SVIL: variants seen among roughly 807,000 people sequenced by gnomAD.
The protein encoded by SVIL is supervillin, also known as archvillin.
Under a neutral mutation model 240.4 loss-of-function variants are expected in SVIL, and 101 were observed. The ratio of observed to expected loss-of-function variants is 0.42; its 90% CI spans 0.36 to 0.50. The LOEUF (loss-of-function observed/expected upper bound fraction) is 0.50, where lower values mean the gene tolerates loss of function less well. Ranked by LOEUF, SVIL falls within the 20% of genes least tolerant of loss-of-function variation. SVIL has a pLI of 0.01. For missense variants in SVIL, 2,512 were observed against 2,818.7 expected, an observed-to-expected ratio of 0.89 and a Z score of 2.46; for synonymous variants, 999 against 1,100.0, an observed-to-expected ratio of 0.91 and a Z score of 1.82.
At chr10:29,468,621 GGT>G (rs1491227762) in intron 32 of SVIL, among the ~76,000 whole-genome samples, 3 of 150,044 alleles carry the variant, frequency 2.0e-5, no homozygotes, top group Non-Finnish European at 4.4e-5. Context: ...ACTAATAGTA[GGT>G]GTATATATAT....
chr10:29,525,057 AC>A (rs1950809784), intron 13 of SVIL, among the ~76,000 whole-genome samples: 1 of 152,328 alleles, frequency 6.6e-6, no homozygotes, highest in South Asian at 2.1e-4. Context: ...AAAGGGAGTC[AC>A]AAAGTATTAC....
At chr10:29,675,597 C>G (rs1212693039) in intron 2 of SVIL, among the ~76,000 whole-genome samples, 5 of 152,178 alleles carry the variant, frequency 3.3e-5, no homozygotes, top group Admixed American at 2.6e-4. Context: ...GCTCTTCCAC[C>G]AGTCCCACTG....
At chr10:29,460,657 C>A in intron 36 of SVIL, among the ~76,000 whole-genome samples, 1 of 152,118 alleles carries the variant, frequency 6.6e-6, no homozygotes, top group East Asian at 1.9e-4. Flanking sequence ...GCTTGTAATC[C>A]CAGCACTTTG....
upstream of SVIL, among the ~76,000 whole-genome samples, chr10:29,637,658 G>T (rs906922348): frequency 2.6e-5 from 4 of 152,188 alleles, no homozygotes; most frequent in African/African-American, 9.7e-5. Context: ...ATGCCAAACT[G>T]ATTTCTGTGC....
Position 29,502,686 on chromosome 10 carries a change from T to G in SVIL, c.3517-3423A>C, listed in dbSNP as rs531015639. On this transcript the variant is annotated intron_variant, in intron 17 of 37. Transcript: ENST00000355867. ...GTGTATGCACATGTGTGTGTGTGTG[T>G]GGGTGGGTGGGTGTGTGTGTGTAGA... Among the ~76,000 whole-genome samples, 8 of 151,560 alleles carry G rather than the reference T, an allele frequency of 5.3e-5. No homozygotes were observed. In the South Asian group the frequency reaches 6.2e-4, roughly 12 times the overall value.
intron 1 of SVIL, among the ~76,000 whole-genome samples, chr10:29,733,218 G>A (rs1034129544): frequency 1.3e-5 from 2 of 152,332 alleles, no homozygotes; most frequent in African/African-American, 4.8e-5. Flanking sequence ...GTTAACATTT[G>A]TTGAATAGCA....
intron 34 of SVIL, 120 bp from the exon 35 acceptor site, chr10:29,463,755 C>T (rs960472703): frequency 2.1e-6 from 3 of 1,409,108 alleles, no homozygotes; most frequent in Middle Eastern, 2.1e-4. Context: ...GGGGGAAACC[C>T]CCTTGGCCAT....
Position 29,486,177 on chromosome 10 carries a change from T to C in SVIL, c.4687A>G (p.Asn1563Asp). ...TCATCCATGAGACGGTAAATGCAGT[T>C]AGTTTCTATTATGGCTGCTTCATAG... is the stretch of plus-strand genomic sequence containing the variant. ...ELYEAAIIETNCIYRLMDDKL... is the reference protein window; with the variant it reads ...ELYEAAIIETDCIYRLMDDKL... The change falls in exon 26 of 38, where the codon AAC (asparagine) becomes GAC (aspartate). Residue 1563 changes from asparagine to aspartate, a missense_variant. By Grantham distance (23) the Asn-to-Asp change is conservative. Around this residue, in one of 3 missense-constraint regions of SVIL, gnomAD observed 797 missense variants for 925.3 expected, o/e 0.86. Transcript: ENST00000355867. 6.2e-7 allele frequency: 1 copy of C among 1,614,216 alleles called. No individual in the cohort carries two copies. The highest frequency in any genetic ancestry group is 1.1e-5 in the South Asian group (1 of 91,088).
At chr10:29,607,605 T>C (rs1351720815) in intron 1 of SVIL, among the ~76,000 whole-genome samples, 1 of 152,226 alleles carries the variant, frequency 6.6e-6, no homozygotes, top group African/African-American at 2.4e-5. Flanking sequence ...TGAATTGCAT[T>C]GTTACTGTAG....
chr10:29,623,544 T>C (rs1389472470), intron 1 of SVIL, among the ~76,000 whole-genome samples: 1 of 152,216 alleles, frequency 6.6e-6, no homozygotes, highest in Non-Finnish European at 1.5e-5. Flanking sequence ...AGCTCTTCAT[T>C]TCTATAGAAA....
intron 21 of SVIL, among the ~76,000 whole-genome samples, chr10:29,492,432 CTG>C (rs962204564): frequency 1.3e-5 from 2 of 152,090 alleles, no homozygotes; most frequent in Non-Finnish European, 2.9e-5. Context: ...CCAAGACAGA[CTG>C]TGTTCTGAGG....
intron 31 of SVIL, 22 bp from the exon 32 acceptor site, chr10:29,470,505 C>A (rs2274493): frequency 4.3e-6 from 7 of 1,613,208 alleles, no homozygotes; most frequent in Non-Finnish European, 5.9e-6. Flanking sequence ...ACCGGCGGCG[C>A]GGAGGAGTTA....
At chr10:29,702,067 C>T (rs1165764045) in intron 1 of SVIL, among the ~76,000 whole-genome samples, 1 of 145,420 alleles carries the variant, frequency 6.9e-6, no homozygotes, top group Admixed American at 7.1e-5. Context: ...CCCAGGTACT[C>T]GGGAGGCTGA....
At chr10:29,495,467 G>A (rs16930314) in intron 18 of SVIL, among the ~76,000 whole-genome samples, 2,296 of 152,204 alleles carry the variant, frequency 0.015, 47 homozygotes, top group African/African-American at 0.053. Flanking sequence ...CGTTAACTTG[G>A]GCAAATGCAG....
intron 27 of SVIL, chr10:29,483,418 T>C (rs1947094793): frequency 6.6e-6 from 1 of 152,168 alleles, no homozygotes; most frequent in Admixed American, 6.5e-5. Flanking sequence ...CCCTAGGAGC[T>C]TTTAAGACAT....
chr10:29,639,876 A>G (rs776520821), upstream of SVIL, among the ~76,000 whole-genome samples: 4 of 152,202 alleles, frequency 2.6e-5, no homozygotes, highest in Non-Finnish European at 4.4e-5. Context: ...TTTCCATAAC[A>G]TAAAACCTAG....
At position 29,523,757 on chromosome 10, in the gene SVIL, T is replaced by G; in HGVS notation, c.2857A>C (p.Lys953Gln). Residue 953 changes from lysine to glutamine, a missense_variant, in exon 15 of 38, where the codon AAG becomes CAG. By Grantham distance (53) the Lys-to-Gln change is moderately conservative. Around this residue, in one of 3 missense-constraint regions of SVIL, gnomAD observed 1,443 missense variants for 1,486.6 expected, o/e 0.97. Coordinates refer to ENST00000355867, the MANE Select transcript of SVIL (RefSeq NM_021738.3). ...CTGTCTCGACCTGTCAAAGCTCTCT[T>G]GCTTTCTGTCTCTCCATATTCTCTC... ...MLREYGETESKRALTGRDSGM... is the reference protein window; with the variant it reads ...MLREYGETESQRALTGRDSGM... 6.2e-7 allele frequency: 1 copy of G among 1,614,232 alleles called. No individual in the cohort carries two copies. The highest frequency in any genetic ancestry group is 8.5e-7 in the Non-Finnish European group (1 of 1,180,034).
At chr10:29,691,294 C>T (rs1458981585) in intron 1 of SVIL, among the ~76,000 whole-genome samples, 1 of 151,616 alleles carries the variant, frequency 6.6e-6, no homozygotes, top group African/African-American at 2.4e-5. Flanking sequence ...TCACTGCAAG[C>T]TCCACCTCCC....
chr10:29,598,734 C>A (rs1956694210), intron 1 of SVIL, among the ~76,000 whole-genome samples: 2 of 152,174 alleles, frequency 1.3e-5, no homozygotes, highest in African/African-American at 2.4e-5. Flanking sequence ...TGGAAATGGG[C>A]ATCAAAGGGC....
Sources: allele counts gnomAD v4.1 joint callset (sites outside exome capture counted in the v4.1 genomes callset), GRCh38; gene constraint gnomAD v4.1.1; regional missense constraint gnomAD v4.1.1; transcripts MANE v1.5; gene names NCBI Gene and HGNC (gene_info 2026-07-23, HGNC 2026-07-21).